PRKCA: variants seen among roughly 807,000 people sequenced by gnomAD.
PRKCA encodes the protein protein kinase C alpha type.
In PRKCA, 27 loss-of-function variants were observed where a neutral mutation model predicts 87.0. The ratio of observed to expected loss-of-function variants is 0.31; its 90% CI spans 0.23 to 0.43. The LOEUF is 0.43. Ranked by LOEUF, PRKCA falls within the 20% of genes least tolerant of loss-of-function variation. The probability of loss-of-function intolerance (pLI) is 1.00; values close to 1 mark genes in which losing one functional copy is unlikely to be tolerated. For synonymous variants in PRKCA, 329 were observed against 311.1 expected (o/e 1.06, Z -0.61); for missense variants, 518 against 852.3 (o/e 0.61, Z 4.88).
At chr17:66,418,681 C>G (rs1355854839) in intron 2 of PRKCA, among the ~76,000 whole-genome samples, 1 of 152,070 alleles carries the variant, frequency 6.6e-6, no homozygotes, top group Non-Finnish European at 1.5e-5. Flanking sequence ...AAGTGATCTT[C>G]CAGCCCCAGC....
chr17:66,793,184 G>A (rs932832438), intron 16 of PRKCA, among the ~76,000 whole-genome samples: 3 of 152,148 alleles, frequency 2.0e-5, no homozygotes, highest in South Asian at 2.1e-4. Flanking sequence ...TCTGCTCCCC[G>A]GACATGAGGA....
At chr17:66,658,674 T>C (rs756699836) in intron 5 of PRKCA, among the ~76,000 whole-genome samples, 18 of 152,196 alleles carry the variant, frequency 1.2e-4, no homozygotes, top group Non-Finnish European at 1.9e-4. Flanking sequence ...ATCCCAACTA[T>C]AGCACTAATT....
At chr17:66,582,901 GTCA>G (rs1265740055) in intron 3 of PRKCA, among the ~76,000 whole-genome samples, 2 of 152,168 alleles carry the variant, frequency 1.3e-5, no homozygotes, top group African/African-American at 4.8e-5. Context: ...GACCTAGGAA[GTCA>G]GCAGCACAGA....
chr17:66,649,908 G>A (rs1014217571), intron 5 of PRKCA, among the ~76,000 whole-genome samples: 21 of 152,168 alleles, frequency 1.4e-4, no homozygotes, highest in African/African-American at 4.6e-4. Context: ...AGAAGCAGCC[G>A]ACTGAATACT....
chr17:66,512,512 C>T (rs985510320), intron 3 of PRKCA, among the ~76,000 whole-genome samples: 5 of 150,524 alleles, frequency 3.3e-5, no homozygotes, highest in African/African-American at 1.2e-4. Flanking sequence ...TTCCCTTGGT[C>T]CACAAGGCCC....
intron 2 of PRKCA, among the ~76,000 whole-genome samples, chr17:66,321,478 TG>T (rs1905655474): frequency 6.6e-6 from 1 of 152,228 alleles, no homozygotes; most frequent in Admixed American, 6.5e-5. Context: ...ATTGTTCCTT[TG>T]TGCCTGCTAT....
chr17:66,753,422 A>C (rs545482309), intron 13 of PRKCA, among the ~76,000 whole-genome samples: 5 of 152,196 alleles, frequency 3.3e-5, no homozygotes, highest in South Asian at 4.1e-4. Flanking sequence ...GGACGCAGTT[A>C]GACATGCAGG....
At chr17:66,649,097 CAAA>C (rs919549017) in intron 5 of PRKCA, among the ~76,000 whole-genome samples, 4 of 89,704 alleles carry the variant, frequency 4.5e-5, no homozygotes, top group Non-Finnish European at 4.8e-5. Flanking sequence ...GAGTCCATCT[CAAA>C]AAAAAAAAAA....
intron 2 of PRKCA, among the ~76,000 whole-genome samples, chr17:66,388,473 T>C (rs1356877481): frequency 6.6e-6 from 1 of 152,098 alleles, no homozygotes; most frequent in Non-Finnish European, 1.5e-5. Context: ...TTTGTGTTTT[T>C]AGTAGAGACG....
chr17:66,759,126 G>T (rs538089059), intron 13 of PRKCA, among the ~76,000 whole-genome samples: 1 of 151,910 alleles, frequency 6.6e-6, no homozygotes, highest in Non-Finnish European at 1.5e-5. Context: ...AGGCCGAGGC[G>T]GGCGGATTAC....
chr17:66,419,797 C>T (rs1260649343), intron 2 of PRKCA, among the ~76,000 whole-genome samples: 1 of 152,086 alleles, frequency 6.6e-6, no homozygotes, highest in African/African-American at 2.4e-5. Flanking sequence ...CTTTATTAAA[C>T]TTACAAGTTT....
At chr17:66,774,112 G>A (rs1974996768) in intron 14 of PRKCA, 45 bp downstream of exon 14, 3 of 1,613,616 alleles carry the variant, frequency 1.9e-6, no homozygotes, top group South Asian at 1.1e-5. Flanking sequence ...GCTGTGTTAT[G>A]TGAATACTTC....
chr17:66,485,366 C>T (rs987441486), intron 2 of PRKCA, among the ~76,000 whole-genome samples: 55 of 152,200 alleles, frequency 3.6e-4, no homozygotes, highest in African/African-American at 1.3e-3. Context: ...TTTTCTCTCA[C>T]ATTTAGATCC....
At chr17:66,424,448 T>C (rs1228997262) in intron 2 of PRKCA, among the ~76,000 whole-genome samples, 2 of 151,912 alleles carry the variant, frequency 1.3e-5, no homozygotes, top group African/African-American at 2.4e-5. Flanking sequence ...GCATCTGTAA[T>C]CCCAGCTACT....
intron 3 of PRKCA, among the ~76,000 whole-genome samples, chr17:66,539,912 A>G (rs1967921433): frequency 6.6e-6 from 1 of 152,240 alleles, no homozygotes; most frequent in Non-Finnish European, 1.5e-5. Flanking sequence ...AGCATAAAAC[A>G]GTTTTAGAAA....
chr17:66,305,353 A>G (rs1904759468), intron 1 of PRKCA, among the ~76,000 whole-genome samples: 1 of 152,220 alleles, frequency 6.6e-6, no homozygotes, highest in East Asian at 1.9e-4. Context: ...GAAGCAAGAG[A>G]TTATGACTCT....
intron 14 of PRKCA, among the ~76,000 whole-genome samples, chr17:66,783,093 C>A (rs956759854): frequency 2.0e-5 from 3 of 152,178 alleles, no homozygotes; most frequent in African/African-American, 7.2e-5. Flanking sequence ...ATGTCCCCTC[C>A]CTGACATGTG....
chr17:66,682,588 G>A (rs1972521312), intron 5 of PRKCA, among the ~76,000 whole-genome samples: 1 of 152,264 alleles, frequency 6.6e-6, no homozygotes. Flanking sequence ...CAAGGGAAGT[G>A]TGTTGTTTCT....
intron 2 of PRKCA, among the ~76,000 whole-genome samples, chr17:66,477,689 G>T (rs997771952): frequency 1.3e-5 from 2 of 152,206 alleles, no homozygotes; most frequent in Admixed American, 1.3e-4. Context: ...AACAGAGTGA[G>T]ACTCCGTCTC....
Sources: allele counts gnomAD v4.1 joint callset (sites outside exome capture counted in the v4.1 genomes callset), GRCh38; gene constraint gnomAD v4.1.1; transcripts MANE v1.5; gene names NCBI Gene and HGNC (gene_info 2026-07-23, HGNC 2026-07-21).